CACNB3: variants seen among roughly 807,000 people sequenced by gnomAD.
CACNB3 encodes calcium voltage-gated channel auxiliary subunit beta 3.
A neutral mutation model predicts 63.7 loss-of-function variants in CACNB3; 36 were observed. The ratio of observed to expected loss-of-function variants is 0.57; its 90% confidence interval spans 0.43 to 0.75. The LOEUF is 0.75. Ranked by LOEUF, CACNB3 falls within the 30% of genes least tolerant of loss-of-function variation. The pLI is 0.00. For missense variants in CACNB3, 493 were observed against 648.6 expected (o/e 0.76, Z 2.61); for synonymous variants, 241 against 250.6 (o/e 0.96, Z 0.36).
chr12:48,827,606 C>G lies in CACNB3; in HGVS notation c.1162C>G (p.Arg388Gly). The G allele has an allele frequency of 6.2e-7, 1 of 1,612,716 alleles. No individual in the cohort carries two copies. The highest frequency in any genetic ancestry group is 2.2e-5 in the East Asian group (1 of 44,840). ...CCAGAACCAGCAGCTGCTGGGGGAG[C>G]GTGGCGAGGAGCACTCCCCCCTTGA... is the stretch of plus-strand genomic sequence containing the variant. ...GLQNQQLLGE[R>G]GEEHSPLERD... Residue 388 changes from arginine to glycine, a missense_variant, in exon 13 of 13, where the codon CGT becomes GGT. Physicochemically the swap from Arg to Gly is moderately radical, Grantham distance 125. Coordinates refer to ENST00000301050, the MANE Select transcript of CACNB3 (RefSeq NM_000725.4).
chr12:48,816,331 C>CT (rs1225172785), upstream of CACNB3, among the ~76,000 whole-genome samples: 7 of 152,216 alleles, frequency 4.6e-5, no homozygotes, highest in African/African-American at 1.4e-4. Context: ...AGCTGCCAGT[C>CT]TAACAACTCT....
At position 48,824,661 on chromosome 12, in the gene CACNB3, C is replaced by A. The variant is rs73298199; in HGVS notation, c.408-8C>A. ...CTCTCTCTCTCTTTCACCTCCCTTT[C>A]TTCTCAGGAGATCTGGGAACCCTTC... On this transcript the variant is annotated splice_region_variant and splice_polypyrimidine_tract_variant and intron_variant, in intron 4 of 12. Coordinates refer to ENST00000301050, the MANE Select transcript of CACNB3 (RefSeq NM_000725.4). The A allele has an allele frequency of 1.7e-3, 2,793 of 1,612,758 alleles. 52 individuals are homozygous for A. In the African/African-American group the frequency reaches 0.034, roughly 19 times the overall value.
Position 48,825,325 on chromosome 12 carries a change from G to A in CACNB3, c.573+82G>A. On this transcript the variant is annotated intron_variant, in intron 7 of 12. Transcript: ENST00000301050. The surrounding 1 kb of genome is among the most constrained non-coding windows in gnomAD (Gnocchi z 4.5). ...TCCCTAGGGAAAGTGGAAGGGGTGT[G>A]TCTCCTCCGTCCAGGGTGTGTATGT... 1 of 1,560,504 alleles carries A rather than the reference G, an allele frequency of 6.4e-7. No homozygotes were observed. The highest frequency in any genetic ancestry group is 8.8e-7 in the Non-Finnish European group (1 of 1,132,446).
upstream of CACNB3, chr12:48,816,990 A>G: frequency 1.0e-6 from 1 of 985,618 alleles, no homozygotes; most frequent in Non-Finnish European, 1.2e-6. Flanking sequence ...AATACTGCGT[A>G]ACTGGGTGAG....
intron 1 of CACNB3, among the ~76,000 whole-genome samples, chr12:48,822,520 G>C (rs1937903950): frequency 1.3e-5 from 2 of 152,182 alleles, no homozygotes; most frequent in African/African-American, 4.8e-5. Flanking sequence ...CCTTCTTCTA[G>C]GGCTGATGTC....
Position 48,824,988 on chromosome 12 carries a change from TG to T in CACNB3, c.492+23del. The T allele has an allele frequency of 6.2e-7, 1 of 1,609,910 alleles. No individual in the cohort carries two copies. Among genetic ancestry groups the T allele is most frequent in the Non-Finnish European group, 8.5e-7 (1 of 1,179,130 alleles). ...AAGCAGGTGAGTCAAGGAAGGGACC[TG>T]GGCTGGGGGGATCATGGCTTATGGC... On this transcript the variant is annotated intron_variant, in intron 6 of 12. Coordinates refer to ENST00000301050, the MANE Select transcript of CACNB3 (RefSeq NM_000725.4).
At chr12:48,818,306 G>C (rs1942338496), upstream of CACNB3, 4 of 213,768 alleles carry the variant, frequency 1.9e-5, no homozygotes, top group Admixed American at 2.0e-4. This position sits in a 1 kb window ranked among gnomAD's most constrained non-coding sequence, Gnocchi z 4.3. Context: ...CGGTTTCCTC[G>C]ACACCTGCGC....
intron 1 of CACNB3, chr12:48,819,928 T>G (rs1937762053): frequency 2.0e-5 from 6 of 302,874 alleles, no homozygotes; most frequent in South Asian, 1.3e-4. Context: ...CTGACAACTT[T>G]CCCTCAAATG....
At position 48,826,553 on chromosome 12, in the gene CACNB3, G is replaced by A. The variant is rs1488033746; in HGVS notation, c.894+35G>A. Reference sequence around the variant, plus strand: ...CTGGGCTCATGGAGGAGGCCCACAGGGCTATCCTACTAGAATGTGGCATGA... The same window carrying A: ...CTGGGCTCATGGAGGAGGCCCACAGAGCTATCCTACTAGAATGTGGCATGA... On this transcript the variant is annotated intron_variant, in intron 10 of 12. Transcript: ENST00000301050. The surrounding 1 kb of genome is among the most constrained non-coding windows in gnomAD (Gnocchi z 4.8). 8 of 1,611,818 alleles carry A rather than the reference G, an allele frequency of 5.0e-6. No individual in the cohort carries two copies. The highest frequency in any genetic ancestry group is 2.7e-5 in the African/African-American group (2 of 74,860).
chr12:48,824,898 G>A, intron 5 of CACNB3, 51 bp from the exon 6 acceptor site: 1 of 1,609,382 alleles, frequency 6.2e-7, no homozygotes, highest in Non-Finnish European at 8.5e-7. Flanking sequence ...ATGCCCCCAG[G>A]GACCTTTCCC....
In CACNB3 at chr12:48,825,136, T is replaced by A; in HGVS notation, c.493-27T>A. On this transcript the variant is annotated intron_variant, in intron 6 of 12. Coordinates refer to ENST00000301050, the MANE Select transcript of CACNB3 (RefSeq NM_000725.4). The surrounding 1 kb of genome is among the most constrained non-coding windows in gnomAD (Gnocchi z 4.5). ...TGAGACAGGCACCAGGGCCATGGTT[T>A]CTACTGACCTCATGTCCATTCTGCA... 6.2e-7 allele frequency: 1 copy of A among 1,612,844 alleles called. No individual in the cohort carries two copies. The highest frequency in any genetic ancestry group is 8.5e-7 in the Non-Finnish European group (1 of 1,178,922).
chr12:48,814,695 G>A, upstream of CACNB3: 1 of 923,092 alleles, frequency 1.1e-6, no homozygotes, highest in South Asian at 1.7e-5. This position sits in a 1 kb window ranked among gnomAD's most constrained non-coding sequence, Gnocchi z 6.9. Context: ...AGGGGGAGAG[G>A]GGTTCGTCCT....
chr12:48,816,720 T>G (rs551912876), upstream of CACNB3, among the ~76,000 whole-genome samples: 5 of 151,654 alleles, frequency 3.3e-5, no homozygotes, highest in Non-Finnish European at 7.4e-5. Flanking sequence ...TTACAAGGAG[T>G]GTGAGGAAGG....
At position 48,827,915 on chromosome 12, in the gene CACNB3, C is replaced by T; in HGVS notation, c.*16C>T. The stretch of plus-strand genomic sequence containing the variant: ...TAGCTACTGACAGCCTCCTGCTGCC[C>T]TACCCTGGCAGGCACAGGCGCAGCT... On this transcript the variant is annotated 3_prime_UTR_variant, in exon 13 of 13. Transcript: ENST00000301050. 1 of 1,605,324 alleles carries T rather than the reference C, an allele frequency of 6.2e-7. No individual in the cohort carries two copies. Among genetic ancestry groups the T allele is most frequent in the Non-Finnish European group, 8.5e-7 (1 of 1,173,590 alleles).
At chr12:48,814,501 C>G (rs1238704406), upstream of CACNB3, 8 of 1,530,582 alleles carry the variant, frequency 5.2e-6, no homozygotes, top group Admixed American at 2.0e-5. This position sits in a 1 kb window ranked among gnomAD's most constrained non-coding sequence, Gnocchi z 6.9. Context: ...TGCCCAGTCC[C>G]GGCCAGGACG....
chr12:48,828,759 A>ACTT lies in CACNB3; in HGVS notation c.*861_*863dup, dbSNP rs1460762659. On this transcript the variant is annotated 3_prime_UTR_variant, in exon 13 of 13. Coordinates refer to ENST00000301050, the MANE Select transcript of CACNB3 (RefSeq NM_000725.4). ...ACATCTTTGGAGAACCGGGCTCCAG[A>ACTT]CTTTGTTCCCTGACTCATAGCTGCC... 4 of 456,186 alleles carry ACTT rather than the reference A, an allele frequency of 8.8e-6. No homozygotes were observed. The highest frequency in any genetic ancestry group is 1.8e-5 in the Non-Finnish European group (4 of 226,752). The allele number at this position is 456,186 out of a possible 1,614,324, so 28.3% of individuals were successfully genotyped here. A position where few individuals can be genotyped will look rare whatever the true frequency, so the allele number is the denominator to read the frequency against.
At position 48,827,920 on chromosome 12, in the gene CACNB3, CT is replaced by C; in HGVS notation, c.*22del. ...ACTGACAGCCTCCTGCTGCCCTACCCTGGCAGGCACAGGCGCAGCTGGCTGG... is the reference window on the plus strand; with the variant it reads ...ACTGACAGCCTCCTGCTGCCCTACCCGGCAGGCACAGGCGCAGCTGGCTGG... On this transcript the variant is annotated 3_prime_UTR_variant, in exon 13 of 13. Transcript: ENST00000301050. 6.2e-7 allele frequency: 1 copy of C among 1,600,634 alleles called. No individual in the cohort carries two copies. Among genetic ancestry groups the C allele is most frequent in the Non-Finnish European group, 8.5e-7 (1 of 1,170,128 alleles).
In CACNB3 at chr12:48,824,334, G is replaced by A. The variant is rs756402786; in HGVS notation, c.368G>A (p.Arg123His). ...GDIAFIPSPQRLESIRLKQEQ... is the reference protein window; with the variant it reads ...GDIAFIPSPQHLESIRLKQEQ... ...ATCGCCTTCATCCCCAGCCCCCAGC[G>A]CCTGGAGAGCATCCGGCTCAAACAG... The change falls in exon 4 of 13, where the codon CGC (arginine) becomes CAC (histidine). Residue 123 changes from arginine to histidine, a missense_variant. Arg to His is a conservative substitution (Grantham distance 29). Transcript: ENST00000301050. 3.2e-5 allele frequency: 51 copies of A among 1,611,750 alleles called. No homozygotes were observed. In the Middle Eastern group the frequency reaches 6.6e-4, roughly 21 times the overall value.
intron 1 of CACNB3, among the ~76,000 whole-genome samples, chr12:48,819,468 A>G (rs1937728321): frequency 6.6e-6 from 1 of 152,202 alleles, no homozygotes; most frequent in African/African-American, 2.4e-5. Context: ...CTCTTCAGAC[A>G]GACGGATCCT....
Sources: gnomAD v4.1 joint callset for allele counts (sites outside exome capture counted in the v4.1 genomes callset) on GRCh38, gnomAD v4.1.1 for gene constraint, Gnocchi (gnomAD v3.1) non-coding constraint, MANE v1.5 for transcripts, NCBI Gene and HGNC (gene_info 2026-07-23, HGNC 2026-07-21) for gene names.